SLC12A3: variants seen among roughly 807,000 people sequenced by gnomAD.
The protein encoded by SLC12A3 is solute carrier family 12 member 3.
Under a neutral mutation model 121.0 loss-of-function variants are expected in SLC12A3, and 104 were observed. The observed-to-expected ratio is 0.86, with a 90% CI of 0.73 to 1.01. SLC12A3 has a LOEUF of 1.01. SLC12A3 is among the 50% of genes least tolerant of loss of function. The pLI is 0.00. For missense variants in SLC12A3, 1,328 were observed against 1,356.3 expected (o/e 0.98, Z 0.33); for synonymous variants, 536 against 533.4 (o/e 1.00, Z -0.07).
At chr16:56,882,950 GTAA>G (rs1177852380) in intron 13 of SLC12A3, among the ~76,000 whole-genome samples, 1 of 151,854 alleles carries the variant, frequency 6.6e-6, no homozygotes, top group Non-Finnish European at 1.5e-5. Context: ...TCAAATAATA[GTAA>G]TAATAATAAT....
intron 8 of SLC12A3, among the ~76,000 whole-genome samples, chr16:56,876,489 C>T (rs1290443959): frequency 2.0e-5 from 3 of 152,166 alleles, no homozygotes; most frequent in African/African-American, 7.2e-5. Context: ...CCCTGCAGAG[C>T]CCTGGGGTGG....
intron 21 of SLC12A3, among the ~76,000 whole-genome samples, chr16:56,894,313 G>GTTTA (rs1202578467): frequency 5.9e-5 from 9 of 152,268 alleles, no homozygotes; most frequent in Admixed American, 5.9e-4. Flanking sequence ...CCGCCAGCTT[G>GTTTA]TTTATTTAAA....
rs1229178772 is a variant in SLC12A3 at position 56,879,581 on chromosome 16, G to T, written c.1375G>T (p.Ala459Ser). ...MVSGFAPLIT[A>S]GIFGATLSSA... ...GTCAGGCTTCGCGCCCCTGATCACG[G>T]CTGGCATCTTCGGGGCCACCCTCTC... Residue 459 changes from alanine (A) to serine (S), a missense_variant, in exon 11 of 26, where the codon GCT (alanine) becomes TCT (serine). Ala to Ser is a moderately conservative substitution (Grantham distance 99, BLOSUM62 1). Coordinates refer to ENST00000563236, the MANE Select transcript of SLC12A3 (RefSeq NM_001126108.2). 6.2e-7 allele frequency: 1 copy of T among 1,613,716 alleles called. No individual in the cohort carries two copies. The highest frequency in any genetic ancestry group is 1.3e-5 in the African/African-American group (1 of 74,898).
At chr16:56,911,701 G>A (rs1439684450) in intron 25 of SLC12A3, among the ~76,000 whole-genome samples, 3 of 152,132 alleles carry the variant, frequency 2.0e-5, no homozygotes, top group Non-Finnish European at 2.9e-5. Context: ...TGACATAGCT[G>A]TTTAGTATCC....
chr16:56,867,199 T>G lies in SLC12A3; in HGVS notation c.412T>G (p.Trp138Gly), dbSNP rs1964377882. ...CCCCGAGGAGCCAGTGCGCTTCGGC[T>G]GGGTCAAGGGGGTGATGGTGAGTGG... Reference protein sequence around the residue: ...KNPEEPVRFGWVKGVMIRCML... With the variant: ...KNPEEPVRFGGVKGVMIRCML... Residue 138 changes from tryptophan (W) to glycine (G), a missense_variant, in exon 2 of 26, where the codon TGG (tryptophan) becomes GGG (glycine). Coordinates refer to ENST00000563236, the MANE Select transcript of SLC12A3 (RefSeq NM_001126108.2). 1 of 1,611,564 alleles carries G rather than the reference T, an allele frequency of 6.2e-7. No individual in the cohort carries two copies. The highest frequency in any genetic ancestry group is 1.1e-5 in the South Asian group (1 of 90,672).
At chr16:56,902,531 G>GGGGGGGC in intron 24 of SLC12A3, 23 bp downstream of exon 24, 196 of 713,446 alleles carry the variant, frequency 2.7e-4, no homozygotes, top group Non-Finnish European at 4.1e-4. Context: ...GTGGGGGTGG[G>GGGGGGGC]AAACGCGACA....
intron 24 of SLC12A3, 92 bp downstream of exon 24, chr16:56,902,600 C>G: frequency 6.7e-7 from 1 of 1,484,600 alleles, no homozygotes. Flanking sequence ...CCCCTCCCCT[C>G]GATCCTCCAC....
intron 14 of SLC12A3, 112 bp from the exon 15 acceptor site, chr16:56,885,153 G>T (rs997809599): frequency 2.1e-5 from 16 of 754,152 alleles, no homozygotes; most frequent in Non-Finnish European, 3.5e-5. Context: ...CTGCTCCCAC[G>T]GGTGCCCGGT....
chr16:56,879,366 C>G, intron 10 of SLC12A3, 139 bp downstream of exon 10: 1 of 1,234,570 alleles, frequency 8.1e-7, no homozygotes, highest in South Asian at 1.3e-5. Context: ...GGGTTCAGAG[C>G]CCAGGTCTGT....
chr16:56,878,014 TCCTCCGTCCCTCCCTCCCTCTCTC>T (rs2055185432), intron 8 of SLC12A3, 39 bp from the exon 9 acceptor site: 1 of 700,306 alleles, frequency 1.4e-6, no homozygotes, highest in Admixed American at 2.7e-5. Context: ...CTGCCTAATG[TCCTCCGTCCCTCCCTCCCTCTCTC>T]CCTCCCTCCC....
intron 1 of SLC12A3, among the ~76,000 whole-genome samples, chr16:56,865,922 T>C (rs1197824549): frequency 6.6e-6 from 1 of 152,156 alleles, no homozygotes; most frequent in Non-Finnish European, 1.5e-5. Context: ...ATGACCCCTG[T>C]CTGGCCTCAC....
In SLC12A3 at chr16:56,915,291, T is replaced by G. The variant is rs189854181; in HGVS notation, c.*1886T>G. On this transcript the variant is annotated 3_prime_UTR_variant, in exon 26 of 26. Coordinates refer to ENST00000563236, the MANE Select transcript of SLC12A3 (RefSeq NM_001126108.2). ...TCCAAGACTGCTGCAGTGCCTACACTTTAGACTTCAGAAGGAGACTAAAGA... is the reference window on the plus strand; with the variant it reads ...TCCAAGACTGCTGCAGTGCCTACACGTTAGACTTCAGAAGGAGACTAAAGA... The G allele has an allele frequency of 6.6e-6, 1 of 152,348 alleles. No individual in the cohort carries two copies. The highest frequency in any genetic ancestry group is 1.5e-5 in the Non-Finnish European group (1 of 68,034). 9.4% of individuals were successfully genotyped at this position (152,348 alleles called of 1,614,324 possible).
intron 21 of SLC12A3, among the ~76,000 whole-genome samples, 154 bp downstream of exon 21, chr16:56,893,208 G>A (rs921704223): frequency 1.3e-5 from 2 of 152,238 alleles, no homozygotes; most frequent in South Asian, 4.1e-4. Context: ...CCTCTGTCTG[G>A]CCTCTAGTTT....
At chr16:56,894,838 G>A (rs1179388732) in intron 22 of SLC12A3, among the ~76,000 whole-genome samples, 196 bp downstream of exon 22, 2 of 152,120 alleles carry the variant, frequency 1.3e-5, no homozygotes, top group African/African-American at 2.4e-5. Flanking sequence ...CATTCCAGAA[G>A]TTGTTCTGGT....
At chr16:56,884,270 C>T (rs1420049871) in intron 14 of SLC12A3, 66 bp downstream of exon 14, 18 of 1,553,724 alleles carry the variant, frequency 1.2e-5, no homozygotes, top group Non-Finnish European at 1.4e-5. Flanking sequence ...CGGCCCTGCC[C>T]TCCGCCCCAG....
In SLC12A3 at chr16:56,892,136, G is replaced by A. The variant is rs1471195935; in HGVS notation, c.2419+3G>A. ...CGGGAAGGAAGCCAGCGCCAGAGGT[G>A]CCAGGCCATCAGTCTCTGGCGCTTG... is the stretch of plus-strand genomic sequence containing the variant. On this transcript the variant is annotated splice_donor_region_variant and intron_variant, in intron 20 of 25. Transcript: ENST00000563236. 2 of 1,613,570 alleles carry A rather than the reference G, an allele frequency of 1.2e-6. No individual in the cohort carries two copies. The highest frequency in any genetic ancestry group is 3.3e-5 in the Admixed American group (2 of 60,020).
intron 3 of SLC12A3, 48 bp from the exon 4 acceptor site, chr16:56,869,681 C>A (rs200722977): frequency 1.3e-6 from 2 of 1,505,848 alleles, no homozygotes; most frequent in East Asian, 2.3e-5. Flanking sequence ...CAAACTGGGG[C>A]TCCTCCCTTG....
chr16:56,887,170 C>G, intron 17 of SLC12A3, 77 bp downstream of exon 17: 1 of 1,596,936 alleles, frequency 6.3e-7, no homozygotes, highest in Non-Finnish European at 8.6e-7. Context: ...TCTTGGCGGC[C>G]CCTTTGCTTA....
At chr16:56,874,092 G>A (rs1369061449) in intron 8 of SLC12A3, among the ~76,000 whole-genome samples, 1 of 152,180 alleles carries the variant, frequency 6.6e-6, no homozygotes, top group African/African-American at 2.4e-5. Flanking sequence ...GCATAATGAT[G>A]TTGGGCCAAA....
Sources: allele counts gnomAD v4.1 joint callset (sites outside exome capture counted in the v4.1 genomes callset), GRCh38; gene constraint gnomAD v4.1.1; transcripts MANE v1.5; gene names NCBI Gene and HGNC (gene_info 2026-07-23, HGNC 2026-07-21).